OTC: variants seen among roughly 807,000 people sequenced by gnomAD.
OTC encodes the protein ornithine transcarbamylase, mitochondrial.
OTC carries 3 observed loss-of-function variants against 30.3 expected under a neutral mutation model. The ratio of observed to expected loss-of-function variants is 0.10; its 90% CI spans 0.05 to 0.26. The LOEUF (loss-of-function observed/expected upper bound fraction) is 0.26, where lower values mean the gene tolerates loss of function less well. Ranked by LOEUF, OTC falls within the 10% of genes least tolerant of loss-of-function variation. The pLI is 1.00. For missense variants in OTC, 194 were observed against 260.3 expected (o/e 0.75, Z 1.75); for synonymous variants, 111 against 99.7 (o/e 1.11, Z -0.67).
Position 38,408,960 on chromosome X carries a change from A to C in OTC, c.802A>C (p.Met268Leu), listed in dbSNP as rs770583237. 2.7e-6 allele frequency: 3 copies of C among 1,104,713 alleles called. No individual in the cohort carries two copies. The highest frequency in any genetic ancestry group is 3.7e-6 in the Non-Finnish European group (3 of 819,526). The allele number at this position is 1,104,713 out of a possible 1,213,427, so 91.0% of individuals were successfully genotyped here. A position where few individuals can be genotyped will look rare whatever the true frequency, so the allele number is the denominator to read the frequency against. Residue 268 changes from methionine (M) to leucine (L), a missense_variant, in exon 8 of 10, where the codon ATG (methionine) becomes CTG (leucine). Transcript: ENST00000039007. ...ATTAATTACAGACACTTGGATAAGC[A>C]TGGGACAAGAAGAGGAGAAGAAAAA... Reference protein sequence around the residue: ...NVLITDTWISMGQEEEKKKRL... With the variant: ...NVLITDTWISLGQEEEKKKRL...
chrX:38,392,020 C>T (rs985782367), intron 4 of OTC, among the ~76,000 whole-genome samples: 4 of 111,885 alleles, frequency 3.6e-5, no homozygotes, highest in African/African-American at 9.7e-5. Flanking sequence ...AGTTTCATGC[C>T]GTGCCTTTCC....
the OTC span, among the ~76,000 whole-genome samples, chrX:38,334,988 A>T: frequency 8.9e-6 from 1 of 111,748 alleles, no homozygotes; most frequent in Non-Finnish European, 1.9e-5. Context: ...GACTCTAACT[A>T]ATGCTTGATG....
intron 1 of OTC, among the ~76,000 whole-genome samples, chrX:38,354,160 G>A (rs375122001): frequency 5.2e-4 from 58 of 112,205 alleles, no homozygotes; most frequent in African/African-American, 1.7e-3. Context: ...CATCTACTTT[G>A]TGCCATGCCC....
the OTC span, among the ~76,000 whole-genome samples, chrX:38,346,934 T>C: frequency 2.6e-3 from 288 of 112,429 alleles, 1 homozygote; most frequent in African/African-American, 8.9e-3. Context: ...AATGTTAAGT[T>C]TATTACATAC....
At chrX:38,387,722 G>C (rs767078170) in intron 4 of OTC, among the ~76,000 whole-genome samples, 1 of 111,893 alleles carries the variant, frequency 8.9e-6, no homozygotes, top group South Asian at 3.7e-4. Flanking sequence ...GAAAAAAGGT[G>C]CATGAGGTAA....
rs190849167 is a variant in OTC, at chrX:38,388,712, G to A, written c.386+7283G>A. 3.6e-5 allele frequency among the ~76,000 whole-genome samples: 4 copies of A among 111,723 alleles called. No individual in the cohort carries two copies. The East Asian group carries it at 1.1e-3, about 31-fold the overall frequency. ...TATAGTACTTAGTAATGCAGCTTCAGGAACCACGTGTATGAAAGGCTCCAT... is the reference window on the plus strand; with the variant it reads ...TATAGTACTTAGTAATGCAGCTTCAAGAACCACGTGTATGAAAGGCTCCAT... On this transcript the variant is annotated intron_variant, in intron 4 of 9. Transcript: ENST00000039007.
At chrX:38,340,988 G>A in the OTC span, among the ~76,000 whole-genome samples, 16 of 111,058 alleles carry the variant, frequency 1.4e-4, no homozygotes, top group African/African-American at 5.2e-4. Flanking sequence ...AGTAGAGACA[G>A]GGTTTTACCA....
intron 1 of OTC, among the ~76,000 whole-genome samples, chrX:38,359,981 G>A (rs1474786830): frequency 9.7e-6 from 1 of 102,981 alleles, no homozygotes; most frequent in Non-Finnish European, 2.0e-5. Flanking sequence ...GCAATGGTGC[G>A]ATCTCAGCTT....
chrX:38,362,561 C>A (rs2068277462), intron 1 of OTC, among the ~76,000 whole-genome samples: 1 of 112,300 alleles, frequency 8.9e-6, no homozygotes, highest in African/African-American at 3.2e-5. Flanking sequence ...AAGCTTCAAG[C>A]AGGATGTTTG....
At chrX:38,372,634 C>G (rs2068328647) in intron 3 of OTC, among the ~76,000 whole-genome samples, 1 of 112,291 alleles carries the variant, frequency 8.9e-6, no homozygotes, top group African/African-American at 3.2e-5. Flanking sequence ...GTTCATGGAG[C>G]ATTTGTCATT....
chrX:38,337,783 T>G, the OTC span, among the ~76,000 whole-genome samples: 5 of 111,808 alleles, frequency 4.5e-5, no homozygotes, highest in South Asian at 1.9e-3. Flanking sequence ...ATCTGGAAGC[T>G]CTTTGGCCTT....
At chrX:38,355,144 G>A (rs2068234194) in intron 1 of OTC, among the ~76,000 whole-genome samples, 1 of 111,743 alleles carries the variant, frequency 8.9e-6, no homozygotes, top group Non-Finnish European at 1.9e-5. Flanking sequence ...ATATCGCCAT[G>A]GACATGATAA....
intron 1 of OTC, among the ~76,000 whole-genome samples, chrX:38,363,444 G>C (rs1198217247): frequency 9.0e-6 from 1 of 111,632 alleles, no homozygotes; most frequent in Non-Finnish European, 1.9e-5. Context: ...AGATTAAGCT[G>C]CCGTGCCTTC....
the OTC span, among the ~76,000 whole-genome samples, chrX:38,338,411 A>C: frequency 2.7e-5 from 3 of 112,192 alleles, no homozygotes; most frequent in Non-Finnish European, 5.6e-5. Context: ...ACTGTCAGTC[A>C]ACCAGTCCTG....
chrX:38,387,315 T>C (rs1054987188), intron 4 of OTC, among the ~76,000 whole-genome samples: 2 of 111,927 alleles, frequency 1.8e-5, no homozygotes, highest in African/African-American at 6.5e-5. Flanking sequence ...TGAAGTATTA[T>C]TACAATAAAA....
chrX:38,371,125 G>C (rs1309906485), intron 3 of OTC, among the ~76,000 whole-genome samples: 2 of 111,661 alleles, frequency 1.8e-5, no homozygotes, highest in Non-Finnish European at 3.8e-5. Context: ...AGGTCCATCA[G>C]TTTTTATTTC....
chrX:38,374,208 A>C (rs1308207311), intron 3 of OTC, among the ~76,000 whole-genome samples: 1 of 111,654 alleles, frequency 9.0e-6, no homozygotes, highest in Non-Finnish European at 1.9e-5. Flanking sequence ...TAACAGAAGA[A>C]ACGCTATGTT....
In OTC at chrX:38,374,716, A is replaced by T. The variant is rs180733331; in HGVS notation, c.298+4839A>T. On this transcript the variant is annotated intron_variant, in intron 3 of 9. Coordinates refer to ENST00000039007, the MANE Select transcript of OTC (RefSeq NM_000531.6). ...TCATCAAAGAAAGAGTGTGACTTGG[A>T]ATAGACCTACCAGGAGGTCCGAAAC... 3.6e-4 allele frequency among the ~76,000 whole-genome samples: 40 copies of T among 111,777 alleles called. No individual in the cohort carries two copies. The East Asian group carries it at 7.7e-3, about 21-fold the overall frequency.
intron 4 of OTC, among the ~76,000 whole-genome samples, chrX:38,383,524 G>A (rs1211939393): frequency 1.8e-5 from 2 of 112,271 alleles, no homozygotes; most frequent in African/African-American, 6.5e-5. Flanking sequence ...TGGGCTGGGC[G>A]TGGTGGCTCA....
Sources: allele counts gnomAD v4.1 joint callset (sites outside exome capture counted in the v4.1 genomes callset), GRCh38; gene constraint gnomAD v4.1.1; transcripts MANE v1.5; gene names NCBI Gene and HGNC (gene_info 2026-07-23, HGNC 2026-07-21).